Variants in CSMD1 observed in about 807,000 individuals in gnomAD.
CSMD1 encodes CUB and Sushi multiple domains 1.
Under a neutral mutation model 417.5 loss-of-function variants are expected in CSMD1, and 213 were observed. That is an observed-to-expected ratio of 0.51 (90% CI 0.46 to 0.57). The LOEUF (loss-of-function observed/expected upper bound fraction) is 0.57, where lower values mean the gene tolerates loss of function less well. Among genes scored for constraint, CSMD1 ranks in the 20% least tolerant of loss-of-function variants. The pLI is 0.00. For missense variants in CSMD1, 6,923 were observed against 4,529.7 expected, an observed-to-expected ratio of 1.53 and a Z score of -15.17; for synonymous variants, 2,862 against 1,736.8, an observed-to-expected ratio of 1.65 and a Z score of -16.11.
intron 41 of CSMD1, among the ~76,000 whole-genome samples, chr8:3,121,454 G>A (rs138816407): frequency 3.3e-5 from 5 of 152,154 alleles, no homozygotes; most frequent in Non-Finnish European, 7.3e-5. Context: ...CCCCAGGGAC[G>A]AGAAGTGGGA....
intron 5 of CSMD1, among the ~76,000 whole-genome samples, chr8:3,984,102 T>A (rs77538135): frequency 0.047 from 4,167 of 87,866 alleles, 133 homozygotes; most frequent in African/African-American, 0.099. Context: ...GGGCTGTCAA[T>A]AGCAACTCTA....
chr8:3,676,734 T>C (rs1455898256), intron 7 of CSMD1, among the ~76,000 whole-genome samples: 1 of 152,088 alleles, frequency 6.6e-6, no homozygotes, highest in African/African-American at 2.4e-5. Context: ...TTGAAATACG[T>C]ATATAATAAA....
At chr8:4,096,977 C>G (rs1449292621) in intron 3 of CSMD1, among the ~76,000 whole-genome samples, 4 of 152,284 alleles carry the variant, frequency 2.6e-5, no homozygotes, top group East Asian at 3.9e-4. Flanking sequence ...TGAGTAAATT[C>G]AAAGGGATGG....
chr8:3,274,382 T>G (rs2117174062), intron 26 of CSMD1, among the ~76,000 whole-genome samples: 1 of 152,266 alleles, frequency 6.6e-6, no homozygotes, highest in African/African-American at 2.4e-5. Context: ...TGTGGTGTGG[T>G]GCTGAAAAAA....
At chr8:3,921,122 A>G (rs539030227) in intron 5 of CSMD1, among the ~76,000 whole-genome samples, 7 of 152,270 alleles carry the variant, frequency 4.6e-5, no homozygotes, top group South Asian at 2.1e-4. Flanking sequence ...AAGAAGGTTG[A>G]ACACTGACAC....
intron 5 of CSMD1, among the ~76,000 whole-genome samples, chr8:3,847,614 G>C (rs899282271): frequency 2.0e-5 from 3 of 152,118 alleles, no homozygotes; most frequent in Admixed American, 6.6e-5. Flanking sequence ...CTTGATTCCA[G>C]ACCGATGGAG....
At position 3,151,485 on chromosome 8, in the gene CSMD1, C is replaced by A; in HGVS notation, c.5943G>T (p.Leu1981Phe). ...IATCGGTLSTLGGVILSPGFP... is the reference protein window; with the variant it reads ...IATCGGTLSTFGGVILSPGFP... ...AGCCGGGGCTCAGGATCACACCACC[C>A]AAGGTGCTCAGCGTCCCTCCACAGG... Residue 1981 changes from leucine (L) to phenylalanine (F), a missense_variant, in exon 40 of 70, where the codon TTG becomes TTT. By Grantham distance (22) the Leu-to-Phe change is conservative (BLOSUM62 0). Coordinates refer to ENST00000635120, the MANE Select transcript of CSMD1 (RefSeq NM_033225.6). 6.2e-7 allele frequency: 1 copy of A among 1,613,362 alleles called. No individual in the cohort carries two copies. The highest frequency in any genetic ancestry group is 8.5e-7 in the Non-Finnish European group (1 of 1,179,654).
In CSMD1 at chr8:4,206,586, T is replaced by C. The variant is rs191971327; in HGVS notation, c.416-174487A>G. 1.3e-3 allele frequency among the ~76,000 whole-genome samples: 198 copies of C among 152,334 alleles called. 2 individuals are homozygous for C. The highest frequency in any genetic ancestry group is 4.5e-3 in the African/African-American group (189 of 41,576). Reference sequence around the variant, plus strand: ...ACATTTTCTTAATCCAGTCTATCATTGATGGACATCTGGGTTGGTTCCAAG... The same window carrying C: ...ACATTTTCTTAATCCAGTCTATCATCGATGGACATCTGGGTTGGTTCCAAG... On this transcript the variant is annotated intron_variant, in intron 3 of 69. Transcript: ENST00000635120.
In CSMD1 at chr8:4,041,118, G is replaced by A. The variant is rs549648857; in HGVS notation, c.416-9019C>T. 8.9e-3 allele frequency among the ~76,000 whole-genome samples: 1,286 copies of A among 145,214 alleles called. 5 individuals are homozygous for A. Among genetic ancestry groups the A allele is most frequent in the Middle Eastern group, 0.026 (7 of 272 alleles). ...TGCAAGCTCCGCCTCCCGGGTTCCC[G>A]CCATTCTCCTGCCTCAGCCTCCCGA... On this transcript the variant is annotated intron_variant, in intron 3 of 69. Transcript: ENST00000635120.
intron 1 of CSMD1, among the ~76,000 whole-genome samples, chr8:4,716,624 G>C (rs1036000964): frequency 5.3e-5 from 8 of 152,024 alleles, no homozygotes; most frequent in Admixed American, 2.0e-4. Context: ...ATTAACACAG[G>C]TCTCCCGAAT....
chr8:3,301,829 G>C (rs767606373), intron 25 of CSMD1, among the ~76,000 whole-genome samples: 16 of 152,162 alleles, frequency 1.1e-4, no homozygotes, highest in East Asian at 1.9e-4. Context: ...GGTCAGTTGA[G>C]AGAAGACTAA....
intron 5 of CSMD1, among the ~76,000 whole-genome samples, chr8:3,906,693 TA>T (rs907776469): frequency 6.6e-6 from 1 of 152,062 alleles, no homozygotes; most frequent in African/African-American, 2.4e-5. Flanking sequence ...ATGTTTTATG[TA>T]AAAAAATGTG....
At chr8:3,699,402 G>A (rs901842188) in intron 7 of CSMD1, among the ~76,000 whole-genome samples, 1 of 152,130 alleles carries the variant, frequency 6.6e-6, no homozygotes, top group Non-Finnish European at 1.5e-5. Context: ...ATAACATTTT[G>A]ATAATGGGCA....
At chr8:4,852,091 T>C (rs541957702) in intron 1 of CSMD1, among the ~76,000 whole-genome samples, 14 of 152,336 alleles carry the variant, frequency 9.2e-5, no homozygotes, top group Non-Finnish European at 1.8e-4. Context: ...TCTCTCTTTA[T>C]ATCTTTTACT....
At chr8:4,750,018 T>C (rs1276277612) in intron 1 of CSMD1, among the ~76,000 whole-genome samples, 2 of 151,958 alleles carry the variant, frequency 1.3e-5, no homozygotes, top group African/African-American at 2.4e-5. Context: ...ATTATTATTA[T>C]TTTTTTGAGA....
chr8:4,683,921 T>C (rs1024210762), intron 1 of CSMD1, among the ~76,000 whole-genome samples: 2 of 152,214 alleles, frequency 1.3e-5, no homozygotes, highest in Non-Finnish European at 2.9e-5. Context: ...GTGAGCAGCA[T>C]GTCATATACA....
intron 5 of CSMD1, among the ~76,000 whole-genome samples, chr8:3,977,896 AACTG>A: frequency 6.6e-6 from 1 of 152,346 alleles, no homozygotes; most frequent in Middle Eastern, 3.4e-3. Flanking sequence ...CAAGAATGGT[AACTG>A]ACCTCCAATT....
intron 1 of CSMD1, among the ~76,000 whole-genome samples, chr8:4,697,626 A>T (rs569841519): frequency 6.2e-4 from 95 of 152,306 alleles, no homozygotes; most frequent in African/African-American, 2.2e-3. Flanking sequence ...TATAAGGCCA[A>T]AGGCAATTAA....
chr8:3,868,486 T>A (rs1480968284), intron 5 of CSMD1, among the ~76,000 whole-genome samples: 1 of 151,940 alleles, frequency 6.6e-6, no homozygotes, highest in East Asian at 1.9e-4. Flanking sequence ...GCTCTCTCAT[T>A]CAACAGACAC....
Sources: allele counts gnomAD v4.1 joint callset (sites outside exome capture counted in the v4.1 genomes callset), GRCh38; gene constraint gnomAD v4.1.1; transcripts MANE v1.5; gene names NCBI Gene and HGNC (gene_info 2026-07-23, HGNC 2026-07-21).